ELAC1: variants seen among roughly 807,000 people sequenced by gnomAD.
ELAC1 encodes the protein elaC ribonuclease Z 1.
ELAC1 carries 19 observed loss-of-function variants against 25.8 expected under a neutral mutation model. That is an observed-to-expected ratio of 0.74 (90% confidence interval 0.51 to 1.08). The LOEUF (loss-of-function observed/expected upper bound fraction) is 1.08. ELAC1 is among the 50% of genes least tolerant of loss of function. The pLI, the probability that ELAC1 is intolerant of heterozygous loss-of-function variation, is 0.00. For synonymous variants in ELAC1, 148 were observed against 160.9 expected, an observed-to-expected ratio of 0.92 and a Z score of 0.61; for missense variants, 403 against 434.6, an observed-to-expected ratio of 0.93 and a Z score of 0.65.
chr18:50,976,878 A>G (rs1436444844), intron 2 of ELAC1, among the ~76,000 whole-genome samples: 1 of 152,186 alleles, frequency 6.6e-6, no homozygotes, highest in Admixed American at 6.5e-5. Flanking sequence ...GGGTAAATAT[A>G]CCCATTCCAA....
At chr18:50,985,536 A>G (rs927241897) in intron 3 of ELAC1, among the ~76,000 whole-genome samples, 2 of 152,246 alleles carry the variant, frequency 1.3e-5, no homozygotes, top group Admixed American at 1.3e-4. Flanking sequence ...GAGTCCAGGT[A>G]CATTATATCT....
chr18:50,981,410 A>G (rs1017726250), intron 2 of ELAC1, among the ~76,000 whole-genome samples: 2 of 152,090 alleles, frequency 1.3e-5, no homozygotes, highest in African/African-American at 4.8e-5. Context: ...CAACTGAGCA[A>G]TGTATACAAA....
intron 2 of ELAC1, among the ~76,000 whole-genome samples, chr18:50,976,788 G>T (rs191209849): frequency 6.6e-6 from 1 of 152,306 alleles, no homozygotes; most frequent in Non-Finnish European, 1.5e-5. Flanking sequence ...TCTGAAACAA[G>T]GCTAGTCCCT....
intron 1 of ELAC1, among the ~76,000 whole-genome samples, chr18:50,971,912 G>GTATATATATATATA (rs66495742): frequency 3.9e-5 from 3 of 76,538 alleles, no homozygotes; most frequent in Non-Finnish European, 5.3e-5. Flanking sequence ...GTGTGTGTGT[G>GTATATATATATATA]TATATATATA....
intron 1 of ELAC1, 24 bp from the exon 2 acceptor site, chr18:50,974,373 C>T: frequency 6.7e-7 from 1 of 1,503,282 alleles, no homozygotes; most frequent in South Asian, 1.4e-5. Context: ...ATGAAATAAT[C>T]CCCAGATGAT....
Position 50,974,661 on chromosome 18 carries a change from T to C in ELAC1, c.157+100T>C, listed in dbSNP as rs573983822. 7 of 1,140,036 alleles carry C rather than the reference T, an allele frequency of 6.1e-6. No homozygotes were observed. The East Asian group carries it at 1.5e-4, about 24-fold the overall frequency. The allele number at this position is 1,140,036 out of a possible 1,614,324, so 70.6% of individuals were successfully genotyped here. A position where few individuals can be genotyped will look rare whatever the true frequency, so the allele number is the denominator to read the frequency against. On this transcript the variant is annotated intron_variant, in intron 2 of 3. Transcript: ENST00000269466. ...TTTGTTTAGAAACAGCCCTGATGGTTGCATCCCACTTCAGTGCTACACCCT... is the reference window on the plus strand; with the variant it reads ...TTTGTTTAGAAACAGCCCTGATGGTCGCATCCCACTTCAGTGCTACACCCT...
intron 2 of ELAC1, among the ~76,000 whole-genome samples, chr18:50,983,407 C>T (rs564992281): frequency 6.6e-6 from 1 of 152,040 alleles, no homozygotes; most frequent in Admixed American, 6.5e-5. Context: ...TCAGGTGATC[C>T]TCCTGCCTCG....
intron 2 of ELAC1, among the ~76,000 whole-genome samples, chr18:50,976,812 C>A (rs1474595991): frequency 6.6e-6 from 1 of 152,198 alleles, no homozygotes; most frequent in African/African-American, 2.4e-5. Flanking sequence ...ACCTATGAAC[C>A]TGTAAAATCA....
intron 2 of ELAC1, among the ~76,000 whole-genome samples, chr18:50,981,172 A>AT (rs1907940722): frequency 6.6e-6 from 1 of 151,088 alleles, no homozygotes; most frequent in East Asian, 2.0e-4. Context: ...TGAAATGATT[A>AT]TTAAAAGTAT....
At chr18:50,968,678 C>T (rs1378201826) in intron 1 of ELAC1, 1 of 152,228 alleles carries the variant, frequency 6.6e-6, no homozygotes, top group Non-Finnish European at 1.5e-5. Context: ...TGCACTTCGC[C>T]GAACGTGGAT....
chr18:50,978,398 A>G (rs1907852289), intron 2 of ELAC1, among the ~76,000 whole-genome samples: 2 of 152,230 alleles, frequency 1.3e-5, no homozygotes, highest in Non-Finnish European at 1.5e-5. Flanking sequence ...AGGCCCCACA[A>G]TCATGGTGGA....
At chr18:50,981,662 C>A (rs1372203416) in intron 2 of ELAC1, among the ~76,000 whole-genome samples, 1 of 152,014 alleles carries the variant, frequency 6.6e-6, no homozygotes, top group East Asian at 1.9e-4. Context: ...TATTTGTCTC[C>A]TTGAAACTGT....
At position 50,984,193 on chromosome 18, in the gene ELAC1, G is replaced by A. The variant is rs1193372295; in HGVS notation, c.255G>A (p.Met85Ile). ...LCTISLQSGS[M>I]VSKQPIEIYG... Reference sequence around the variant, plus strand: ...CAATCAGCCTGCAGAGTGGCTCCATGGTGTCCAAACAGCCTATTGAAATCT... The same window carrying A: ...CAATCAGCCTGCAGAGTGGCTCCATAGTGTCCAAACAGCCTATTGAAATCT... Residue 85 changes from methionine (M) to isoleucine (I), a missense_variant, in exon 3 of 4, where the codon ATG (methionine) becomes ATA (isoleucine). Coordinates refer to ENST00000269466, the MANE Select transcript of ELAC1 (RefSeq NM_018696.3). The A allele has an allele frequency of 6.2e-7, 1 of 1,614,092 alleles. No individual in the cohort carries two copies. The highest frequency in any genetic ancestry group is 1.1e-5 in the South Asian group (1 of 91,084).
chr18:50,986,967 G>A lies in ELAC1; in HGVS notation c.974G>A (p.Arg325Lys). Residue 325 changes from arginine to lysine, a missense_variant, in exon 4 of 4, where the codon AGA (arginine) becomes AAA (lysine). Coordinates refer to ENST00000269466, the MANE Select transcript of ELAC1 (RefSeq NM_018696.3). ...AGGTACAAACCAGTTGCCTTGGCCA[G>A]AGAAGGAGAAACAGATGGCATTGCA... ...SQRYKPVALA[R>K]EGETDGIAEL... 1 of 1,614,042 alleles carries A rather than the reference G, an allele frequency of 6.2e-7. No individual in the cohort carries two copies. The highest frequency in any genetic ancestry group is 8.5e-7 in the Non-Finnish European group (1 of 1,179,952).
chr18:50,974,396 G>A lies in ELAC1; in HGVS notation c.-8-1G>A. On this transcript the variant is annotated splice_acceptor_variant, in intron 1 of 3. Coordinates refer to ENST00000269466, the MANE Select transcript of ELAC1 (RefSeq NM_018696.3). LOFTEE classifies it low-confidence loss of function (5UTR_SPLICE). The stretch of plus-strand genomic sequence containing the variant: ...ATCCCCAGATGATCTTTCTGTTGCA[G>A]GGTGGAAGATGTCTATGGATGTGAC... 2.0e-6 allele frequency: 3 copies of A among 1,516,846 alleles called. No individual in the cohort carries two copies. The highest frequency in any genetic ancestry group is 2.6e-6 in the Non-Finnish European group (3 of 1,134,754). The allele number at this position is 1,516,846 out of a possible 1,614,324, so 94.0% of individuals were successfully genotyped here.
rs771416363 is a variant in ELAC1, at chr18:50,984,374, A to C, written c.436A>C (p.Ser146Arg). 5 of 1,614,234 alleles carry C rather than the reference A, an allele frequency of 3.1e-6. No homozygotes were observed. Among genetic ancestry groups the C allele is most frequent in the South Asian group, 2.2e-5 (2 of 91,082 alleles). Residue 146 changes from serine to arginine, a missense_variant, in exon 3 of 4, where the codon AGT (serine) becomes CGT (arginine). By Grantham distance (110) the Ser-to-Arg change is moderately radical. Coordinates refer to ENST00000269466, the MANE Select transcript of ELAC1 (RefSeq NM_018696.3). ...ATTTGCGCATGTGAATAGAGCAGAC[A>C]GTCCTCCCAAAGAGGAACAAGGAAG... ...KEFAHVNRAD[S>R]PPKEEQGRTI...
At chr18:50,981,843 C>CTTTTTTTCTT (rs1555681434) in intron 2 of ELAC1, among the ~76,000 whole-genome samples, 1 of 117,872 alleles carries the variant, frequency 8.5e-6, no homozygotes, top group African/African-American at 3.2e-5. Flanking sequence ...TGCTATAGTT[C>CTTTTTTTCTT]TTTTTTTTTT....
intron 2 of ELAC1, among the ~76,000 whole-genome samples, chr18:50,979,449 T>C (rs1387977280): frequency 6.6e-6 from 1 of 152,150 alleles, no homozygotes; most frequent in Non-Finnish European, 1.5e-5. Context: ...GTTCTCTGCA[T>C]TGTAGGTTTC....
At chr18:50,974,211 AT>A (rs1907733632) in intron 1 of ELAC1, among the ~76,000 whole-genome samples, 185 bp from the exon 2 acceptor site, 1 of 152,188 alleles carries the variant, frequency 6.6e-6, no homozygotes. Flanking sequence ...ATTATACAAG[AT>A]TTGTTAACTT....
Sources: allele counts gnomAD v4.1 joint callset (sites outside exome capture counted in the v4.1 genomes callset), GRCh38; gene constraint gnomAD v4.1.1; transcripts MANE v1.5; gene names NCBI Gene and HGNC (gene_info 2026-07-23, HGNC 2026-07-21).